ZNF804A: variants seen among roughly 807,000 people sequenced by gnomAD.
ZNF804A encodes the protein zinc finger protein 804A.
ZNF804A carries 2 observed loss-of-function variants against 16.5 expected under a neutral mutation model. The ratio of observed to expected loss-of-function variants is 0.12; its 90% CI spans 0.05 to 0.38. The LOEUF is 0.38. Ranked by LOEUF, ZNF804A falls within the 10% of genes least tolerant of loss-of-function variation. The pLI is 0.99. For missense variants in ZNF804A, 1,473 were observed against 1,390.7 expected, an observed-to-expected ratio of 1.06 and a Z score of -0.94; for synonymous variants, 534 against 489.6, an observed-to-expected ratio of 1.09 and a Z score of -1.20.
At chr2:184,622,828 C>T (rs1273296109) in intron 1 of ZNF804A, among the ~76,000 whole-genome samples, 1 of 151,932 alleles carries the variant, frequency 6.6e-6, no homozygotes, top group Non-Finnish European at 1.5e-5. Context: ...AACCGGAATA[C>T]ATATTCTGCA....
chr2:184,881,699 G>A (rs1206267742), intron 2 of ZNF804A, among the ~76,000 whole-genome samples: 1 of 151,814 alleles, frequency 6.6e-6, no homozygotes, highest in Non-Finnish European at 1.5e-5. Context: ...CATAAACAAA[G>A]GAGGAATAAG....
chr2:184,769,983 T>G (rs1694187153), intron 1 of ZNF804A, among the ~76,000 whole-genome samples: 2 of 152,066 alleles, frequency 1.3e-5, no homozygotes, highest in Admixed American at 1.3e-4. Context: ...ACATAAATAT[T>G]TTAAAGTTAT....
At chr2:184,627,256 T>C (rs1411746780) in intron 1 of ZNF804A, among the ~76,000 whole-genome samples, 1 of 152,134 alleles carries the variant, frequency 6.6e-6, no homozygotes, top group Non-Finnish European at 1.5e-5. Flanking sequence ...AAATGAATCA[T>C]AATACAATTG....
chr2:184,699,560 T>TAGC lies in ZNF804A; in HGVS notation c.111+100493_111+100495dup, dbSNP rs571670086. On this transcript the variant is annotated intron_variant, in intron 1 of 3. Transcript: ENST00000302277. ...CATATTCACAGTATGTAAGTAGTTCTAGCAGGGAACTCTGTGTGACACTGA... is the reference window on the plus strand; with the variant it reads ...CATATTCACAGTATGTAAGTAGTTCTAGCAGCAGGGAACTCTGTGTGACACTGA... Among the ~76,000 whole-genome samples, 26 of 152,208 alleles carry TAGC rather than the reference T, an allele frequency of 1.7e-4. 2 individuals are homozygous for TAGC. In the South Asian group the frequency reaches 5.4e-3, roughly 32 times the overall value.
intron 1 of ZNF804A, among the ~76,000 whole-genome samples, chr2:184,763,603 A>G (rs1183235744): frequency 4.1e-5 from 2 of 48,996 alleles, no homozygotes; most frequent in Admixed American, 2.2e-4. Flanking sequence ...ACCACTCTCT[A>G]TTGCTTTACT....
chr2:184,650,936 A>G (rs1691972867), intron 1 of ZNF804A, among the ~76,000 whole-genome samples: 1 of 152,174 alleles, frequency 6.6e-6, no homozygotes, highest in Non-Finnish European at 1.5e-5. Context: ...AACTAGAAAA[A>G]TATATTCTAA....
rs892716124 is a variant in ZNF804A, at chr2:184,936,603, A to G, written c.1207A>G (p.Asn403Asp). 2.5e-6 allele frequency: 4 copies of G among 1,613,936 alleles called. No homozygotes were observed. The African/African-American group carries it at 4.0e-5, about 16-fold the overall frequency. ...KNGPETLAPS[N>D]TEEVNITIHK... is the part of the protein sequence containing the mutation. ...TGGTCCCGAGACATTGGCCCCTTCA[A>G]ATACTGAAGAGGTTAACATAACTAT... is the stretch of plus-strand genomic sequence containing the variant. Residue 403 changes from asparagine (N) to aspartate (D), a missense_variant, in exon 4 of 4, where the codon AAT becomes GAT. Coordinates refer to ENST00000302277, the MANE Select transcript of ZNF804A (RefSeq NM_194250.2).
At chr2:184,878,899 A>T (rs1452253325) in intron 2 of ZNF804A, among the ~76,000 whole-genome samples, 2 of 152,018 alleles carry the variant, frequency 1.3e-5, no homozygotes, top group African/African-American at 4.8e-5. Context: ...AATTATATCA[A>T]ATTTGATCAT....
At chr2:184,757,634 T>C (rs1254100492) in intron 1 of ZNF804A, among the ~76,000 whole-genome samples, 1 of 151,980 alleles carries the variant, frequency 6.6e-6, no homozygotes. Flanking sequence ...TTGAAAGTTG[T>C]TTTGTTTGTC....
At chr2:184,817,940 AC>A (rs780062140) in intron 1 of ZNF804A, among the ~76,000 whole-genome samples, 30 of 152,184 alleles carry the variant, frequency 2.0e-4, no homozygotes, top group Admixed American at 4.6e-4. Context: ...AGATTGGGGT[AC>A]CTGAAAGAGA....
rs1301821377 is a variant in ZNF804A at position 184,599,436 on chromosome 2, G to A, written c.111+366G>A. On this transcript the variant is annotated intron_variant, in intron 1 of 3. Transcript: ENST00000302277. Reference sequence around the variant, plus strand: ...TTGTTTGGCTTAGGAGGCTGAAGGTGAATGAGGATGTGGCTGTCTCTGATG... The same window carrying A: ...TTGTTTGGCTTAGGAGGCTGAAGGTAAATGAGGATGTGGCTGTCTCTGATG... Among the ~76,000 whole-genome samples, 4 of 152,232 alleles carry A rather than the reference G, an allele frequency of 2.6e-5. No homozygotes were observed. In the East Asian group the frequency reaches 5.8e-4, roughly 22 times the overall value.
chr2:184,762,655 A>C (rs1015625936), intron 1 of ZNF804A, among the ~76,000 whole-genome samples: 4 of 152,020 alleles, frequency 2.6e-5, no homozygotes, highest in African/African-American at 9.7e-5. Context: ...CATCCTAAAT[A>C]GTATGTAAAA....
chr2:184,862,057 C>T lies in ZNF804A; in HGVS notation c.112-4312C>T, dbSNP rs562784990. Among the ~76,000 whole-genome samples the T allele has an allele frequency of 5.3e-5, 8 of 152,304 alleles. No individual in the cohort carries two copies. The East Asian group carries it at 1.5e-3, about 29-fold the overall frequency. On this transcript the variant is annotated intron_variant, in intron 1 of 3. Coordinates refer to ENST00000302277, the MANE Select transcript of ZNF804A (RefSeq NM_194250.2). ...CTTTGTGCCTTCACTCTCAGTGACACAGTACAGAAACTGTGCTCATAGTTC... is the reference window on the plus strand; with the variant it reads ...CTTTGTGCCTTCACTCTCAGTGACATAGTACAGAAACTGTGCTCATAGTTC...
intron 2 of ZNF804A, among the ~76,000 whole-genome samples, chr2:184,873,000 C>A (rs1323253852): frequency 6.6e-6 from 1 of 152,136 alleles, no homozygotes; most frequent in African/African-American, 2.4e-5. Flanking sequence ...AAGGGATATA[C>A]TTTCCAAAAC....
At chr2:184,746,716 C>T (rs1360789867) in intron 1 of ZNF804A, among the ~76,000 whole-genome samples, 2 of 151,266 alleles carry the variant, frequency 1.3e-5, no homozygotes, top group African/African-American at 4.8e-5. Context: ...CCTTTCCAGA[C>T]TCTGGTAACT....
chr2:184,665,218 C>T (rs1392898240), intron 1 of ZNF804A, among the ~76,000 whole-genome samples: 1 of 152,046 alleles, frequency 6.6e-6, no homozygotes, highest in Non-Finnish European at 1.5e-5. Flanking sequence ...ACTAGATAAG[C>T]AATATCAGAT....
intron 1 of ZNF804A, among the ~76,000 whole-genome samples, chr2:184,811,779 C>A (rs954035515): frequency 5.3e-5 from 8 of 152,114 alleles, no homozygotes; most frequent in African/African-American, 1.9e-4. Context: ...GAAAATGAAT[C>A]TATACAGGAT....
intron 1 of ZNF804A, among the ~76,000 whole-genome samples, chr2:184,822,213 G>A (rs1695097125): frequency 6.6e-6 from 1 of 152,108 alleles, no homozygotes; most frequent in Non-Finnish European, 1.5e-5. Context: ...TATACACCAT[G>A]GAATACTATG....
chr2:184,696,539 T>C (rs1010962554), intron 1 of ZNF804A, among the ~76,000 whole-genome samples: 2 of 152,158 alleles, frequency 1.3e-5, no homozygotes, highest in African/African-American at 2.4e-5. Flanking sequence ...CTTACACATA[T>C]AAATTATTGT....
Sources: gnomAD v4.1 joint callset for allele counts (sites outside exome capture counted in the v4.1 genomes callset) on GRCh38, gnomAD v4.1.1 for gene constraint, MANE v1.5 for transcripts, NCBI Gene and HGNC (gene_info 2026-07-23, HGNC 2026-07-21) for gene names.